Variants in PAMR1 observed in about 807,000 individuals in gnomAD.
The protein encoded by PAMR1 is peptidase domain containing associated with muscle regeneration 1.
PAMR1 carries 88 observed loss-of-function variants against 81.8 expected under a neutral mutation model. The observed-to-expected ratio is 1.08, with a 90% CI of 0.91 to 1.28. The LOEUF is 1.28. Ranked by LOEUF, PAMR1 falls within the 50% of genes most tolerant of loss-of-function variation. The pLI, the probability that PAMR1 is intolerant of heterozygous loss-of-function variation, is 0.00. For missense variants in PAMR1, 935 were observed against 919.7 expected (o/e 1.02, Z -0.21); for synonymous variants, 336 against 345.3 (o/e 0.97, Z 0.30).
chr11:35,437,616 T>A (rs2135337389), intron 8 of PAMR1, among the ~76,000 whole-genome samples: 1 of 152,356 alleles, frequency 6.6e-6, no homozygotes, highest in African/African-American at 2.4e-5. Flanking sequence ...AGGGATACCC[T>A]CCACTTCAGC....
chr11:35,452,128 C>T (rs148190594), intron 6 of PAMR1, among the ~76,000 whole-genome samples: 2 of 151,620 alleles, frequency 1.3e-5, no homozygotes, highest in African/African-American at 2.4e-5. Context: ...TGAATATGTT[C>T]GAGGAAATAA....
In PAMR1 at chr11:35,508,516, ATTTTT is replaced by A. The variant is rs59836040; in HGVS notation, c.74-14249_74-14245del. 2.0e-4 allele frequency among the ~76,000 whole-genome samples: 20 copies of A among 98,036 alleles called. No individual in the cohort carries two copies. The East Asian group carries it at 5.4e-3, about 27-fold the overall frequency. 64.3% of individuals were successfully genotyped at this position (98,036 alleles called of 152,430 possible). A position where few individuals can be genotyped will look rare whatever the true frequency, so the allele number is the denominator to read the frequency against. ...CACCATTTTGGAAGCAGGAACCTCC[ATTTTT>A]TTTTTTTTTTTTTTTTTTTTACTTT... On this transcript the variant is annotated intron_variant, in intron 1 of 10. Coordinates refer to ENST00000619888, the MANE Select transcript of PAMR1 (RefSeq NM_001001991.3).
rs1438091534 is a variant in PAMR1, at chr11:35,435,949, A to C, written c.1287T>G (p.Cys429Trp). ...GCCCACTCCACTTCCCAGTCCTCAG[A>C]CATGTCCTCCTGCTGCTGCCCAGGC... Reference protein sequence around the residue: ...YRRLGSSRRTCLRTGKWSGRA... With the variant: ...YRRLGSSRRTWLRTGKWSGRA... Residue 429 changes from cysteine (C) to tryptophan (W), a missense_variant, in exon 9 of 11, where the codon TGT becomes TGG. By Grantham distance (215) the Cys-to-Trp change is radical. Coordinates refer to ENST00000619888, the MANE Select transcript of PAMR1 (RefSeq NM_001001991.3). The C allele has an allele frequency of 6.2e-7, 1 of 1,614,074 alleles. No homozygotes were observed. The highest frequency in any genetic ancestry group is 8.5e-7 in the Non-Finnish European group (1 of 1,180,040).
At chr11:35,433,270 T>C (rs1855951066) in intron 10 of PAMR1, among the ~76,000 whole-genome samples, 1 of 152,212 alleles carries the variant, frequency 6.6e-6, no homozygotes, top group Non-Finnish European at 1.5e-5. Flanking sequence ...CAAACAATGC[T>C]TGCAAATAAA....
intron 1 of PAMR1, among the ~76,000 whole-genome samples, chr11:35,511,701 T>C (rs681584): frequency 0.035 from 5,355 of 152,232 alleles, 317 homozygotes; most frequent in African/African-American, 0.12. Flanking sequence ...CAGAGAGAGA[T>C]ACAACTAGGC....
chr11:35,485,394 T>C (rs1430399324), intron 3 of PAMR1, among the ~76,000 whole-genome samples: 1 of 152,216 alleles, frequency 6.6e-6, no homozygotes, highest in African/African-American at 2.4e-5. Flanking sequence ...TTGAAGGTTT[T>C]ACATTAAAGA....
rs144465470 is a variant in PAMR1, at chr11:35,518,464, G to A, written c.73+7049C>T. On this transcript the variant is annotated intron_variant, in intron 1 of 10. Coordinates refer to ENST00000619888, the MANE Select transcript of PAMR1 (RefSeq NM_001001991.3). The stretch of plus-strand genomic sequence containing the variant: ...CTTTAATGGTGAGATATTCTTCCAC[G>A]TCTTATGCCTTACGGGTGAGAGATC... Among the ~76,000 whole-genome samples, 46 of 151,638 alleles carry A rather than the reference G, an allele frequency of 3.0e-4. 1 individual carries two copies. The highest frequency in any genetic ancestry group is 6.8e-3 in the Middle Eastern group (2 of 294).
At chr11:35,445,390 G>GA (rs142336863) in intron 6 of PAMR1, among the ~76,000 whole-genome samples, 42,727 of 152,046 alleles carry the variant, frequency 0.28, 6,095 homozygotes, top group Admixed American at 0.34. Flanking sequence ...GAATAGGAGT[G>GA]ATGAGAGAGG....
At chr11:35,525,696 AGCTCGG>A, upstream of PAMR1, 1 of 870,914 alleles carries the variant, frequency 1.1e-6, no homozygotes, top group East Asian at 2.6e-5. Flanking sequence ...GCTGAGCGGG[AGCTCGG>A]GTTTCAGCTC....
At chr11:35,478,949 C>T (rs913737361) in intron 3 of PAMR1, among the ~76,000 whole-genome samples, 8 of 152,068 alleles carry the variant, frequency 5.3e-5, no homozygotes, top group East Asian at 3.9e-4. Flanking sequence ...CCCATGGCTA[C>T]GTGCCCAAAC....
At chr11:35,434,330 A>T (rs1275868288) in intron 10 of PAMR1, among the ~76,000 whole-genome samples, 182 bp downstream of exon 10, 1 of 151,746 alleles carries the variant, frequency 6.6e-6, no homozygotes, top group Non-Finnish European at 1.5e-5. Context: ...AAAAGACTCC[A>T]CAGCCTTTCT....
At chr11:35,499,086 A>G (rs1195035190) in intron 1 of PAMR1, among the ~76,000 whole-genome samples, 1 of 152,184 alleles carries the variant, frequency 6.6e-6, no homozygotes, top group Non-Finnish European at 1.5e-5. Flanking sequence ...CTGTTGAATG[A>G]ATTCGGCCTG....
chr11:35,490,178 C>G (rs1271816094), intron 3 of PAMR1, among the ~76,000 whole-genome samples: 1 of 152,172 alleles, frequency 6.6e-6, no homozygotes, highest in Non-Finnish European at 1.5e-5. Context: ...ACCATGAGAA[C>G]AGTATGGAGG....
At chr11:35,463,978 G>A (rs1215435166) in intron 6 of PAMR1, among the ~76,000 whole-genome samples, 1 of 152,196 alleles carries the variant, frequency 6.6e-6, no homozygotes, top group Non-Finnish European at 1.5e-5. Context: ...TTTCTGAAAT[G>A]CAGGTCCCAA....
At chr11:35,466,656 G>A (rs1168415075) in intron 6 of PAMR1, among the ~76,000 whole-genome samples, 1 of 150,588 alleles carries the variant, frequency 6.6e-6, no homozygotes, top group Non-Finnish European at 1.5e-5. Context: ...GAACCCAGGA[G>A]GCGGAGCTTG....
At position 35,445,892 on chromosome 11, in the gene PAMR1, G is replaced by A. The variant is rs186305572; in HGVS notation, c.821-4199C>T. The stretch of plus-strand genomic sequence containing the variant: ...CCCTCCTTTTCCATTGTTTTGAATA[G>A]TTTCAGAAGAAATGGTACCAGATCC... On this transcript the variant is annotated intron_variant, in intron 6 of 10. Transcript: ENST00000619888. 1.0e-3 allele frequency among the ~76,000 whole-genome samples: 158 copies of A among 152,270 alleles called. 1 individual carries two copies. The highest frequency in any genetic ancestry group is 3.5e-3 in the African/African-American group (147 of 41,552).
chr11:35,524,070 G>A (rs550907216), intron 1 of PAMR1, among the ~76,000 whole-genome samples: 12 of 152,276 alleles, frequency 7.9e-5, no homozygotes, highest in African/African-American at 2.6e-4. Flanking sequence ...ACTCTGAGAA[G>A]AACCAGGTCC....
intron 6 of PAMR1, among the ~76,000 whole-genome samples, chr11:35,444,317 T>C (rs1856247331): frequency 6.6e-6 from 1 of 152,234 alleles, no homozygotes; most frequent in African/African-American, 2.4e-5. Context: ...TGATGATAGT[T>C]TATTTTGCTG....
chr11:35,440,320 G>T (rs1206852383), intron 7 of PAMR1, among the ~76,000 whole-genome samples: 1 of 152,184 alleles, frequency 6.6e-6, no homozygotes, highest in African/African-American at 2.4e-5. Flanking sequence ...GTATTAATTT[G>T]TAAGAGAAGA....
Sources: allele counts gnomAD v4.1 joint callset (sites outside exome capture counted in the v4.1 genomes callset), GRCh38; gene constraint gnomAD v4.1.1; transcripts MANE v1.5; gene names NCBI Gene and HGNC (gene_info 2026-07-23, HGNC 2026-07-21).